RNF180: variants seen among roughly 807,000 people sequenced by gnomAD.
The protein encoded by RNF180 is E3 ubiquitin-protein ligase RNF180.
RNF180 carries 38 observed loss-of-function variants against 59.2 expected under a neutral mutation model. That is an observed-to-expected ratio of 0.64 (90% CI 0.50 to 0.84). RNF180 has a LOEUF of 0.84. Ranked by LOEUF, RNF180 falls within the 40% of genes least tolerant of loss-of-function variation. The pLI is 0.00. For synonymous variants in RNF180, 262 were observed against 240.3 expected, an observed-to-expected ratio of 1.09 and a Z score of -0.84; for missense variants, 705 against 700.9, an observed-to-expected ratio of 1.01 and a Z score of -0.07.
intron 5 of RNF180, among the ~76,000 whole-genome samples, chr5:64,246,908 A>C (rs1743208845): frequency 6.6e-6 from 1 of 152,208 alleles, no homozygotes. Context: ...AAGCTTACCC[A>C]CCACGATCAA....
At chr5:64,235,397 C>CT (rs939946737) in intron 5 of RNF180, among the ~76,000 whole-genome samples, 2 of 152,154 alleles carry the variant, frequency 1.3e-5, no homozygotes, top group South Asian at 4.1e-4. Flanking sequence ...TTACAAAGAT[C>CT]TTTTTTTCTA....
chr5:64,308,992 T>C (rs1743615826), intron 5 of RNF180, among the ~76,000 whole-genome samples: 1 of 151,694 alleles, frequency 6.6e-6, no homozygotes, highest in East Asian at 1.9e-4. Context: ...ATTTGCCCTC[T>C]TCTTTTCTCA....
chr5:64,238,083 A>T (rs748107814), intron 5 of RNF180, among the ~76,000 whole-genome samples: 21 of 152,214 alleles, frequency 1.4e-4, no homozygotes, highest in Non-Finnish European at 2.8e-4. Flanking sequence ...TATAAGTGGA[A>T]CCATACAGTA....
chr5:64,300,982 C>G (rs1223873526), intron 5 of RNF180, among the ~76,000 whole-genome samples: 1 of 151,656 alleles, frequency 6.6e-6, no homozygotes, highest in Non-Finnish European at 1.5e-5. Context: ...GAGCTCCTGC[C>G]TCACTCTCAA....
intron 7 of RNF180, among the ~76,000 whole-genome samples, chr5:64,345,204 G>C (rs1319125552): frequency 6.6e-6 from 1 of 152,154 alleles, no homozygotes; most frequent in Non-Finnish European, 1.5e-5. Flanking sequence ...GGAGAGCTTT[G>C]AAATCGGGGA....
intron 5 of RNF180, among the ~76,000 whole-genome samples, chr5:64,265,054 G>A (rs984487724): frequency 7.2e-5 from 11 of 151,974 alleles, no homozygotes; most frequent in African/African-American, 1.7e-4. Flanking sequence ...CATGTCCTTC[G>A]CATACTTTTT....
In RNF180 at chr5:64,214,214, A is replaced by T; in HGVS notation, c.888A>T (p.Ser296=). The change falls in exon 4 of 8, where the codon TCA becomes TCT. Residue 296 remains serine, a synonymous_variant. Transcript: ENST00000389100. The part of the protein sequence containing the change: ...FDPSMLLQRF[S]VAPHETQTQR... Reference sequence around the variant, plus strand: ...CTAGTATGCTGCTGCAAAGATTTTCAGTGGCCCCCCATGAGACCCAGACAC... The same window carrying T: ...CTAGTATGCTGCTGCAAAGATTTTCTGTGGCCCCCCATGAGACCCAGACAC... 1 of 1,614,084 alleles carries T rather than the reference A, an allele frequency of 6.2e-7. No individual in the cohort carries two copies. Among genetic ancestry groups the T allele is most frequent in the Non-Finnish European group, 8.5e-7 (1 of 1,179,998 alleles).
intron 7 of RNF180, among the ~76,000 whole-genome samples, chr5:64,340,355 A>G (rs1362226047): frequency 1.3e-5 from 2 of 152,216 alleles, no homozygotes; most frequent in African/African-American, 4.8e-5. Context: ...TATATTTATG[A>G]CAATCCATCC....
intron 5 of RNF180, among the ~76,000 whole-genome samples, chr5:64,275,120 T>A (rs1282915364): frequency 6.6e-6 from 1 of 151,532 alleles, no homozygotes; most frequent in Non-Finnish European, 1.5e-5. Context: ...TTATAAAAAT[T>A]TATGTTTCTT....
chr5:64,255,570 G>A (rs1743893462), intron 5 of RNF180, among the ~76,000 whole-genome samples: 1 of 152,146 alleles, frequency 6.6e-6, no homozygotes, highest in Admixed American at 6.5e-5. Flanking sequence ...TGGTGTATAT[G>A]TGCCACATTT....
At chr5:64,247,299 G>C (rs1296542895) in intron 5 of RNF180, among the ~76,000 whole-genome samples, 1 of 152,012 alleles carries the variant, frequency 6.6e-6, no homozygotes, top group African/African-American at 2.4e-5. Context: ...AGAGTGTTCA[G>C]ATAGGAAGAG....
intron 5 of RNF180, among the ~76,000 whole-genome samples, chr5:64,279,683 T>G (rs1440827243): frequency 2.0e-5 from 3 of 152,236 alleles, no homozygotes; most frequent in African/African-American, 7.2e-5. Context: ...GAATATTTAT[T>G]GAGAATCTAA....
At chr5:64,228,255 C>T (rs552464187) in intron 5 of RNF180, among the ~76,000 whole-genome samples, 4 of 152,248 alleles carry the variant, frequency 2.6e-5, no homozygotes, top group African/African-American at 9.6e-5. Flanking sequence ...TGGCTCTTGC[C>T]TGAAATCCTA....
intron 5 of RNF180, among the ~76,000 whole-genome samples, chr5:64,258,603 G>A (rs1744131002): frequency 6.6e-6 from 1 of 152,178 alleles, no homozygotes; most frequent in South Asian, 2.1e-4. Flanking sequence ...GGAGGGCAGT[G>A]AAGCAAGGAA....
rs145586262 is a variant in RNF180, at chr5:64,324,832, A to G, written c.1228-354A>G. Among the ~76,000 whole-genome samples the G allele has an allele frequency of 4.2e-3, 643 of 152,272 alleles. 5 individuals are homozygous for G. Among genetic ancestry groups the G allele is most frequent in the African/African-American group, 0.014 (601 of 41,560 alleles). On this transcript the variant is annotated intron_variant, in intron 5 of 7. Coordinates refer to ENST00000389100, the MANE Select transcript of RNF180 (RefSeq NM_001113561.2). ...AAAACTCTATAACCTTGTGACAACC[A>G]GTTTATTTGCTGTGGTAGGAATGGG...
chr5:64,354,349 A>C (rs1205456488), intron 7 of RNF180, among the ~76,000 whole-genome samples: 1 of 151,896 alleles, frequency 6.6e-6, no homozygotes, highest in Admixed American at 6.6e-5. Context: ...TAGAGGACTT[A>C]AGTAAATGCA....
chr5:64,346,655 C>A (rs1384058361), intron 7 of RNF180, among the ~76,000 whole-genome samples: 1 of 152,038 alleles, frequency 6.6e-6, no homozygotes, highest in Non-Finnish European at 1.5e-5. Flanking sequence ...CAAGCATGAG[C>A]CACTGTCCCT....
chr5:64,202,349 C>T (rs902808410), intron 2 of RNF180, among the ~76,000 whole-genome samples: 3 of 152,140 alleles, frequency 2.0e-5, no homozygotes, highest in Non-Finnish European at 4.4e-5. Flanking sequence ...TTCTCCTGAG[C>T]TATGTGCCAT....
intron 5 of RNF180, among the ~76,000 whole-genome samples, chr5:64,272,483 TG>T (rs1741470182): frequency 6.6e-6 from 1 of 151,418 alleles, no homozygotes; most frequent in Non-Finnish European, 1.5e-5. Context: ...GAGGTTAGAG[TG>T]GAGTAGGAGG....
Sources: gnomAD v4.1 joint callset for allele counts (sites outside exome capture counted in the v4.1 genomes callset) on GRCh38, gnomAD v4.1.1 for gene constraint, MANE v1.5 for transcripts, NCBI Gene and HGNC (gene_info 2026-07-23, HGNC 2026-07-21) for gene names.